UBE2E2: variants seen among roughly 807,000 people sequenced by gnomAD.
The protein encoded by UBE2E2 is ubiquitin conjugating enzyme E2 E2.
UBE2E2 carries 6 observed loss-of-function variants against 24.7 expected under a neutral mutation model. The observed-to-expected ratio is 0.24, with a 90% CI of 0.13 to 0.48. UBE2E2 has a LOEUF of 0.48. Among genes scored for constraint, UBE2E2 ranks in the 20% least tolerant of loss-of-function variants. UBE2E2 has a pLI of 0.99. For missense variants in UBE2E2, 169 were observed against 245.0 expected (o/e 0.69, Z 2.07); for synonymous variants, 104 against 83.6 (o/e 1.24, Z -1.33).
At chr3:23,273,321 C>T (rs1005789804) in intron 3 of UBE2E2, among the ~76,000 whole-genome samples, 2 of 151,926 alleles carry the variant, frequency 1.3e-5, no homozygotes, top group Admixed American at 6.6e-5. Context: ...GGGCGGATCA[C>T]GAGGTCAGGA....
At chr3:23,313,993 G>C (rs192275496) in intron 3 of UBE2E2, among the ~76,000 whole-genome samples, 1 of 152,162 alleles carries the variant, frequency 6.6e-6, no homozygotes, top group Non-Finnish European at 1.5e-5. Context: ...ACTGAAGACA[G>C]CTTAACACTG....
At chr3:23,395,557 T>C (rs148578339) in intron 3 of UBE2E2, among the ~76,000 whole-genome samples, 45 of 152,322 alleles carry the variant, frequency 3.0e-4, no homozygotes, top group Middle Eastern at 3.4e-3. Flanking sequence ...TAGTAGACTT[T>C]TGAGCTGAGT....
intron 3 of UBE2E2, among the ~76,000 whole-genome samples, chr3:23,226,548 A>G (rs979868047): frequency 3.3e-5 from 5 of 152,192 alleles, no homozygotes; most frequent in African/African-American, 9.7e-5. Flanking sequence ...CCAGGAAAAC[A>G]TCTTTAAGGA....
chr3:23,499,586 T>A (rs1357931225), intron 3 of UBE2E2, 22 bp from the exon 4 acceptor site: 6 of 1,599,876 alleles, frequency 3.8e-6, no homozygotes, highest in Non-Finnish European at 5.1e-6. Context: ...TAAGCACATT[T>A]CATTTGTATG....
At position 23,430,070 on chromosome 3, in the gene UBE2E2, G is replaced by T. The variant is rs574365771; in HGVS notation, c.228-69538G>T. 2.6e-5 allele frequency among the ~76,000 whole-genome samples: 4 copies of T among 152,214 alleles called. No homozygotes were observed. In the South Asian group the frequency reaches 6.2e-4, roughly 24 times the overall value. ...CGAAGGAACATTTTTATTAATCATG[G>T]TTATAGTAGTAGGAGTTAATTCTGG... On this transcript the variant is annotated intron_variant, in intron 3 of 5. Coordinates refer to ENST00000396703, the MANE Select transcript of UBE2E2 (RefSeq NM_152653.4).
chr3:23,452,602 G>C (rs1437812552), intron 3 of UBE2E2, among the ~76,000 whole-genome samples: 1 of 152,178 alleles, frequency 6.6e-6, no homozygotes, highest in East Asian at 1.9e-4. Flanking sequence ...CTTGATCCTA[G>C]TTATAATCTT....
rs1256819627 is a variant in UBE2E2 at position 23,589,124 on chromosome 3, G to A, written c.509-610G>A. 1.3e-5 allele frequency among the ~76,000 whole-genome samples: 2 copies of A among 151,994 alleles called. No homozygotes were observed. Among genetic ancestry groups the A allele is most frequent in the Admixed American group, 6.6e-5 (1 of 15,260 alleles). On this transcript the variant is annotated intron_variant, in intron 5 of 5. Coordinates refer to ENST00000396703, the MANE Select transcript of UBE2E2 (RefSeq NM_152653.4). The surrounding 1 kb of genome is among the most constrained non-coding windows in gnomAD (Gnocchi z 4.1). ...CACAGCCCACCTGCATTTTCTCCGTGAAATATCTACTTGAAGACAGGCATC... is the reference window on the plus strand; with the variant it reads ...CACAGCCCACCTGCATTTTCTCCGTAAAATATCTACTTGAAGACAGGCATC...
In UBE2E2 at chr3:23,375,088, A is replaced by G. The variant is rs185265169; in HGVS notation, c.228-124520A>G. On this transcript the variant is annotated intron_variant, in intron 3 of 5. Coordinates refer to ENST00000396703, the MANE Select transcript of UBE2E2 (RefSeq NM_152653.4). ...TTACATATCATGAGATATAAAAAAA[A>G]AATCAGAGAATGTGGTGCTATAAAA... Among the ~76,000 whole-genome samples, 235 of 152,332 alleles carry G rather than the reference A, an allele frequency of 1.5e-3. 2 individuals carry two copies. Among genetic ancestry groups the G allele is most frequent in the Non-Finnish European group, 2.3e-3 (155 of 68,014 alleles).
At position 23,217,240 on chromosome 3, in the gene UBE2E2, GTTCT is replaced by G. The variant is rs746628493; in HGVS notation, c.177-19_177-16del. 3 of 1,602,636 alleles carry G rather than the reference GTTCT, an allele frequency of 1.9e-6. No individual in the cohort carries two copies. Among genetic ancestry groups the G allele is most frequent in the East Asian group, 2.2e-5 (1 of 44,732 alleles). ...AGAGTGAAGATATTTTTAACATAAT[GTTCT>G]TTGTCTTTATTTTAAAGAATTCAGA... On this transcript the variant is annotated intron_variant, in intron 2 of 5. Coordinates refer to ENST00000396703, the MANE Select transcript of UBE2E2 (RefSeq NM_152653.4).
rs1232328632 is a variant in UBE2E2, at chr3:23,327,917, G to A, written c.227+110605G>A. On this transcript the variant is annotated intron_variant, in intron 3 of 5. Coordinates refer to ENST00000396703, the MANE Select transcript of UBE2E2 (RefSeq NM_152653.4). ...TGTCAATCTCAATTATAGGATGATA[G>A]AAGTATGCTGATTTCTCGCTTAATA... Among the ~76,000 whole-genome samples the A allele has an allele frequency of 3.3e-5, 5 of 152,106 alleles. No homozygotes were observed. The East Asian group carries it at 9.6e-4, about 29-fold the overall frequency.
intron 3 of UBE2E2, among the ~76,000 whole-genome samples, chr3:23,476,204 A>G (rs1173877776): frequency 6.6e-6 from 1 of 152,098 alleles, no homozygotes. Flanking sequence ...AGTAGGATTC[A>G]TACCTGTCTC....
rs1194259164 is a variant in UBE2E2, at chr3:23,264,293, A to G, written c.227+46981A>G. ...GTTCGTATCTTTAGGTTACACAGCT[A>G]TTATAGCTGGACCGTGAGTTTGACT... is the stretch of plus-strand genomic sequence containing the variant. On this transcript the variant is annotated intron_variant, in intron 3 of 5. Coordinates refer to ENST00000396703, the MANE Select transcript of UBE2E2 (RefSeq NM_152653.4). Among the ~76,000 whole-genome samples the G allele has an allele frequency of 2.0e-5, 3 of 152,152 alleles. No individual in the cohort carries two copies. In the East Asian group the frequency reaches 5.8e-4, roughly 29 times the overall value.
intron 3 of UBE2E2, among the ~76,000 whole-genome samples, chr3:23,453,363 A>T (rs543329756): frequency 8.5e-5 from 13 of 152,130 alleles, no homozygotes; most frequent in African/African-American, 3.1e-4. Context: ...TTTTGTGGTG[A>T]GGAAAGAAAA....
intron 3 of UBE2E2, among the ~76,000 whole-genome samples, chr3:23,462,546 C>G (rs373343599): frequency 6.6e-5 from 10 of 152,140 alleles, no homozygotes; most frequent in African/African-American, 2.4e-4. Flanking sequence ...CCAGCACAGT[C>G]CTTTCCCTAC....
At chr3:23,431,855 T>C (rs704534) in intron 3 of UBE2E2, among the ~76,000 whole-genome samples, 83,589 of 151,958 alleles carry the variant, frequency 0.55, 23,425 homozygotes, top group African/African-American at 0.61. Context: ...TAATTCAAAA[T>C]ATTTTCAGTA....
intron 3 of UBE2E2, among the ~76,000 whole-genome samples, chr3:23,233,037 A>G (rs1174575591): frequency 6.6e-6 from 1 of 152,210 alleles, no homozygotes; most frequent in East Asian, 1.9e-4. Flanking sequence ...TAGCAGGCGA[A>G]TGTAGCCCTG....
chr3:23,566,932 A>C (rs1442940335), intron 5 of UBE2E2, among the ~76,000 whole-genome samples: 1 of 152,214 alleles, frequency 6.6e-6, no homozygotes, highest in Admixed American at 6.5e-5. Flanking sequence ...TAGAATCCTC[A>C]GGACTTAGTT....
In UBE2E2 at chr3:23,564,145, G is replaced by A. The variant is rs957714183; in HGVS notation, c.509-25589G>A. On this transcript the variant is annotated intron_variant, in intron 5 of 5. Transcript: ENST00000396703. ...CGTACAAATGATACCTGATTTACAA[G>A]TAAAAATATAATTGATGATGTAAAT... Among the ~76,000 whole-genome samples the A allele has an allele frequency of 2.6e-5, 4 of 152,034 alleles. No homozygotes were observed. The East Asian group carries it at 7.7e-4, about 29-fold the overall frequency.
At chr3:23,561,957 G>A (rs1245084419) in intron 5 of UBE2E2, among the ~76,000 whole-genome samples, 5 of 151,782 alleles carry the variant, frequency 3.3e-5, no homozygotes, top group Non-Finnish European at 7.3e-5. Context: ...ATCAGCTTAA[G>A]AAGATTTTGG....
Sources: gnomAD v4.1 joint callset for allele counts (sites outside exome capture counted in the v4.1 genomes callset) on GRCh38, gnomAD v4.1.1 for gene constraint, Gnocchi (gnomAD v3.1) non-coding constraint, MANE v1.5 for transcripts, NCBI Gene and HGNC (gene_info 2026-07-23, HGNC 2026-07-21) for gene names.